Variants in SLC9A3 observed in about 807,000 individuals in gnomAD.
SLC9A3 encodes sodium/hydrogen exchanger 3.
A neutral mutation model predicts 86.8 loss-of-function variants in SLC9A3; 37 were observed. That is an observed-to-expected ratio of 0.43 (90% CI 0.33 to 0.56). The LOEUF (loss-of-function observed/expected upper bound fraction) is 0.56, where lower values mean the gene tolerates loss of function less well. SLC9A3 is among the 20% of genes least tolerant of loss of function. The pLI is 0.06. For synonymous variants in SLC9A3, 581 were observed against 528.3 expected (o/e 1.10, Z -1.37); for missense variants, 1,011 against 1,171.9 (o/e 0.86, Z 2.00).
At chr5:477,030 G>T in intron 11 of SLC9A3, 1 of 505,380 alleles carries the variant, frequency 2.0e-6, no homozygotes, top group Non-Finnish European at 3.6e-6. Flanking sequence ...GCCCAGGGCC[G>T]GAGGAGCAGT....
At chr5:495,112 G>A (rs928678923) in intron 1 of SLC9A3, among the ~76,000 whole-genome samples, 13 of 130,748 alleles carry the variant, frequency 9.9e-5, no homozygotes, top group African/African-American at 2.2e-4. Context: ...CGCCGTGGCC[G>A]CAGGTCAGAC....
chr5:509,800 C>T (rs371629180), intron 1 of SLC9A3, among the ~76,000 whole-genome samples: 7 of 152,094 alleles, frequency 4.6e-5, no homozygotes, highest in Admixed American at 2.0e-4. Flanking sequence ...GGAAGGCCTC[C>T]GTGTCTCGCA....
chr5:502,578 C>T (rs1034737577), intron 1 of SLC9A3, among the ~76,000 whole-genome samples: 3 of 152,168 alleles, frequency 2.0e-5, no homozygotes, highest in South Asian at 2.1e-4. Flanking sequence ...CAGAGGAGAA[C>T]GCAAGATGGT....
chr5:488,574 C>T lies in SLC9A3; in HGVS notation c.515-98G>A, dbSNP rs558398126. Reference sequence around the variant, plus strand: ...CGCCTACGGGTCGGGGTTCGGAGCCCGTCTGGCTGGCGCCGGTGGCGTGGG... The same window carrying T: ...CGCCTACGGGTCGGGGTTCGGAGCCTGTCTGGCTGGCGCCGGTGGCGTGGG... On this transcript the variant is annotated intron_variant, in intron 2 of 16. Coordinates refer to ENST00000264938, the MANE Select transcript of SLC9A3 (RefSeq NM_004174.4). 582 of 1,274,690 alleles carry T rather than the reference C, an allele frequency of 4.6e-4. 1 individual carries two copies. The African/African-American group carries it at 7.7e-3, about 17-fold the overall frequency. 79.0% of individuals were successfully genotyped at this position (1,274,690 alleles called of 1,614,324 possible).
intron 1 of SLC9A3, among the ~76,000 whole-genome samples, chr5:493,406 G>GCCA (rs1739884212): frequency 6.6e-6 from 1 of 152,256 alleles, no homozygotes; most frequent in African/African-American, 2.4e-5. Flanking sequence ...GGAGGCAGTG[G>GCCA]CCACGTCCCA....
chr5:477,459 C>T lies in SLC9A3; in HGVS notation c.1648-15G>A. The T allele has an allele frequency of 6.3e-7, 1 of 1,590,114 alleles. No homozygotes were observed. The highest frequency in any genetic ancestry group is 1.1e-5 in the South Asian group (1 of 90,126). ...CGGCGCTCTCCCTGTGGTCAGGAAG[C>T]AGCCCGGTCAGTGGCCTGAGCAGCC... On this transcript the variant is annotated splice_polypyrimidine_tract_variant and intron_variant, in intron 10 of 16. Coordinates refer to ENST00000264938, the MANE Select transcript of SLC9A3 (RefSeq NM_004174.4).
intron 11 of SLC9A3, 65 bp from the exon 12 acceptor site, chr5:476,737 G>C: frequency 6.4e-7 from 1 of 1,569,016 alleles, no homozygotes; most frequent in Non-Finnish European, 8.6e-7. Flanking sequence ...CGCGCCCCTC[G>C]CCTTCCCACG....
intron 1 of SLC9A3, among the ~76,000 whole-genome samples, chr5:518,510 A>T (rs1733798362): frequency 6.6e-6 from 1 of 152,160 alleles, no homozygotes; most frequent in South Asian, 2.1e-4. Context: ...TGGTATCCTG[A>T]GACTCTTGTC....
chr5:494,676 G>A (rs1560963338), intron 1 of SLC9A3, among the ~76,000 whole-genome samples: 1 of 152,300 alleles, frequency 6.6e-6, no homozygotes, highest in East Asian at 1.9e-4. Context: ...GGAAGACCAG[G>A]GTGGTCTGTG....
At position 471,662 on chromosome 5, in the gene SLC9A3, T is replaced by C; in HGVS notation, c.*1717A>G. On this transcript the variant is annotated 3_prime_UTR_variant, in exon 17 of 17. Coordinates refer to ENST00000264938, the MANE Select transcript of SLC9A3 (RefSeq NM_004174.4). ...TGCTGCATAGAGGATGGCTGCATTTTGTGCTCAGAGTTGGTTGAAATGGCT... is the reference window on the plus strand; with the variant it reads ...TGCTGCATAGAGGATGGCTGCATTTCGTGCTCAGAGTTGGTTGAAATGGCT... 2.4e-6 allele frequency: 1 copy of C among 414,948 alleles called. No individual in the cohort carries two copies. Among genetic ancestry groups the C allele is most frequent in the Non-Finnish European group, 4.8e-6 (1 of 206,474 alleles). The allele number at this position is 414,948 out of a possible 1,614,324, so 25.7% of individuals were successfully genotyped here.
At chr5:481,473 T>G (rs1471510192) in intron 9 of SLC9A3, 92 bp downstream of exon 9, 7 of 1,086,184 alleles carry the variant, frequency 6.4e-6, no homozygotes, top group Non-Finnish European at 1.0e-5. Flanking sequence ...ACTCAAACAG[T>G]TGTTATGCAT....
chr5:517,754 T>A (rs906860222), intron 1 of SLC9A3, among the ~76,000 whole-genome samples: 1 of 149,172 alleles, frequency 6.7e-6, no homozygotes, highest in Non-Finnish European at 1.5e-5. Flanking sequence ...CACCCATCCA[T>A]CCATCCATCC....
intron 1 of SLC9A3, among the ~76,000 whole-genome samples, chr5:494,060 G>C (rs746179931): frequency 6.6e-6 from 1 of 152,236 alleles, no homozygotes; most frequent in Non-Finnish European, 1.5e-5. Flanking sequence ...TGGCCTGCAG[G>C]GTCCCGTCTG....
chr5:487,816 T>C (rs1395076392), intron 3 of SLC9A3, among the ~76,000 whole-genome samples: 1 of 152,118 alleles, frequency 6.6e-6, no homozygotes, highest in Non-Finnish European at 1.5e-5. Flanking sequence ...TACAGGCGCG[T>C]GCCACCACCC....
At chr5:480,202 G>A in intron 9 of SLC9A3, 1 of 479,102 alleles carries the variant, frequency 2.1e-6, no homozygotes, top group Non-Finnish European at 3.8e-6. Flanking sequence ...CCTCCAGAGG[G>A]TGGCTCAGGA....
At position 471,619 on chromosome 5, in the gene SLC9A3, CACTG is replaced by C; in HGVS notation, c.*1756_*1759del. 1 of 382,634 alleles carries C rather than the reference CACTG, an allele frequency of 2.6e-6. No homozygotes were observed. The highest frequency in any genetic ancestry group is 5.2e-6 in the Non-Finnish European group (1 of 192,850). 23.7% of individuals were successfully genotyped at this position (382,634 alleles called of 1,614,324 possible). A position where few individuals can be genotyped will look rare whatever the true frequency, so the allele number is the denominator to read the frequency against. On this transcript the variant is annotated 3_prime_UTR_variant, in exon 17 of 17. Transcript: ENST00000264938. Reference sequence around the variant, plus strand: ...TGGCCTTGGATCTGTCCAGTAGGGTCACTGACTGGGCAGGGCTTGCTGCATAGAG... The same window carrying C: ...TGGCCTTGGATCTGTCCAGTAGGGTCACTGGGCAGGGCTTGCTGCATAGAG...
Position 483,259 on chromosome 5 carries a change from C to T in SLC9A3, c.1153+3G>A, listed in dbSNP as rs1347398145. On this transcript the variant is annotated splice_donor_region_variant and intron_variant, in intron 6 of 16. Coordinates refer to ENST00000264938, the MANE Select transcript of SLC9A3 (RefSeq NM_004174.4). ...CCACGGCCGCAACCCGGCCCCGCCTCACCGATGGCCCGGTACACGGAGATG... is the reference window on the plus strand; with the variant it reads ...CCACGGCCGCAACCCGGCCCCGCCTTACCGATGGCCCGGTACACGGAGATG... 8 of 1,539,388 alleles carry T rather than the reference C, an allele frequency of 5.2e-6. No homozygotes were observed. Among genetic ancestry groups the T allele is most frequent in the Non-Finnish European group, 5.3e-6 (6 of 1,137,418 alleles).
intron 1 of SLC9A3, among the ~76,000 whole-genome samples, chr5:503,017 T>C (rs1224559520): frequency 6.8e-6 from 1 of 147,944 alleles, no homozygotes; most frequent in East Asian, 2.0e-4. Context: ...TGAAACTTTA[T>C]TTACAACAAC....
At chr5:500,880 C>A (rs1740245011) in intron 1 of SLC9A3, among the ~76,000 whole-genome samples, 1 of 149,274 alleles carries the variant, frequency 6.7e-6, no homozygotes, top group Non-Finnish European at 1.5e-5. Context: ...GACACAGAGT[C>A]AGTGTGGACA....
Sources: gnomAD v4.1 joint callset for allele counts (sites outside exome capture counted in the v4.1 genomes callset) on GRCh38, gnomAD v4.1.1 for gene constraint, MANE v1.5 for transcripts, NCBI Gene and HGNC (gene_info 2026-07-23, HGNC 2026-07-21) for gene names.